The following CNNM2 variants were observed in gnomAD, a reference collection of about 807,000 sequenced individuals.
The protein encoded by CNNM2 is cyclin and CBS domain divalent metal cation transport mediator 2.
CNNM2 carries 12 observed loss-of-function variants against 66.9 expected under a neutral mutation model. The observed-to-expected ratio is 0.18, with a 90% CI of 0.11 to 0.29. The LOEUF is 0.29. CNNM2 is among the 10% of genes least tolerant of loss of function. The pLI, the probability that CNNM2 is intolerant of heterozygous loss-of-function variation, is 1.00. For synonymous variants in CNNM2, 557 were observed against 501.8 expected, an observed-to-expected ratio of 1.11 and a Z score of -1.47; for missense variants, 705 against 1,167.7, an observed-to-expected ratio of 0.60 and a Z score of 5.77.
intron 1 of CNNM2, among the ~76,000 whole-genome samples, chr10:103,012,404 G>T (rs1231517505): frequency 6.6e-6 from 1 of 152,190 alleles, no homozygotes; most frequent in Non-Finnish European, 1.5e-5. Flanking sequence ...CCAGCACTTT[G>T]GGAGGCCGAG....
intron 1 of CNNM2, among the ~76,000 whole-genome samples, chr10:102,970,340 T>G (rs1480629356): frequency 3.3e-5 from 5 of 152,204 alleles, no homozygotes; most frequent in African/African-American, 1.2e-4. Context: ...ATGTGAAAAT[T>G]ACATGAAATT....
Position 103,071,808 on chromosome 10 carries a change from C to T in CNNM2, c.2202C>T (p.Ser734=), listed in dbSNP as rs373752351. ...CCCTGTCTCGTACCTTTGTTGTCAGCAGAACAGAGTTGTTAGCAGCAGGTT... is the reference window on the plus strand; with the variant it reads ...CCCTGTCTCGTACCTTTGTTGTCAGTAGAACAGAGTTGTTAGCAGCAGGTT... ...PLSLSRTFVV[S]RTELLAAGSP... is the part of the protein sequence containing the mutation. Residue 734 remains serine, a synonymous_variant, in exon 6 of 8, where the codon AGC becomes AGT. Coordinates refer to ENST00000369878, the MANE Select transcript of CNNM2 (RefSeq NM_017649.5). 49 of 1,613,922 alleles carry T rather than the reference C, an allele frequency of 3.0e-5. No homozygotes were observed. The highest frequency in any genetic ancestry group is 4.2e-5 in the Non-Finnish European group (49 of 1,179,846).
At chr10:103,023,940 TAC>T (rs2064645737) in intron 1 of CNNM2, among the ~76,000 whole-genome samples, 2 of 152,196 alleles carry the variant, frequency 1.3e-5, no homozygotes, top group African/African-American at 4.8e-5. Context: ...CAAAGAAAGT[TAC>T]AGATATCATA....
At chr10:102,938,868 C>T (rs927545042) in intron 1 of CNNM2, among the ~76,000 whole-genome samples, 1 of 152,038 alleles carries the variant, frequency 6.6e-6, no homozygotes, top group Non-Finnish European at 1.5e-5. Context: ...GAACTTCCAG[C>T]CAGCATTTTA....
chr10:102,947,462 A>G (rs1590291712), intron 1 of CNNM2, among the ~76,000 whole-genome samples: 1 of 150,798 alleles, frequency 6.6e-6, no homozygotes, highest in African/African-American at 2.4e-5. Context: ...AAGAAAAAAA[A>G]CCACTGACTG....
chr10:103,061,336 TG>T (rs1285812557), intron 4 of CNNM2, among the ~76,000 whole-genome samples: 1 of 152,150 alleles, frequency 6.6e-6, no homozygotes, highest in East Asian at 1.9e-4. Context: ...GAGGTTGCAG[TG>T]AGCTGAGATC....
rs10218853 is a variant in CNNM2, at chr10:103,037,030, A to C, written c.1622-12677A>C. Among the ~76,000 whole-genome samples the C allele has an allele frequency of 0.31, 46,817 of 151,894 alleles. 7,346 individuals carry two copies. Among genetic ancestry groups the C allele is most frequent in the Middle Eastern group, 0.36 (107 of 294 alleles). On this transcript the variant is annotated intron_variant, in intron 1 of 7. Transcript: ENST00000369878. Reference sequence around the variant, plus strand: ...CATTGGGGGAAACTGGGGAAAAGTAAATGGGATCTTGAGCAAAATCCACAG... The same window carrying C: ...CATTGGGGGAAACTGGGGAAAAGTACATGGGATCTTGAGCAAAATCCACAG...
At chr10:103,031,276 C>T (rs1798645561) in intron 1 of CNNM2, among the ~76,000 whole-genome samples, 1 of 152,140 alleles carries the variant, frequency 6.6e-6, no homozygotes, top group South Asian at 2.1e-4. Flanking sequence ...CATTGAGTTA[C>T]CCTCTCTTAC....
chr10:102,928,420 A>G (rs1343208955), intron 1 of CNNM2, among the ~76,000 whole-genome samples: 1 of 151,976 alleles, frequency 6.6e-6, no homozygotes, highest in African/African-American at 2.4e-5. Flanking sequence ...GTCTCTACTA[A>G]AAACACAAAA....
intron 1 of CNNM2, among the ~76,000 whole-genome samples, chr10:103,021,757 C>A (rs1454395434): frequency 7.3e-6 from 1 of 136,068 alleles, no homozygotes; most frequent in Non-Finnish European, 1.7e-5. Context: ...TGGACTCTTT[C>A]CCCCAGAATA....
At chr10:103,013,635 T>A (rs2134275252) in intron 1 of CNNM2, among the ~76,000 whole-genome samples, 1 of 152,300 alleles carries the variant, frequency 6.6e-6, no homozygotes, top group East Asian at 1.9e-4. Flanking sequence ...CAGTGCTTTC[T>A]AAATCGCTGT....
chr10:103,020,193 C>A (rs2134284336), intron 1 of CNNM2, among the ~76,000 whole-genome samples: 1 of 151,294 alleles, frequency 6.6e-6, no homozygotes, highest in African/African-American at 2.4e-5. Flanking sequence ...CTTGCTCTGT[C>A]ACCCAGACTA....
Position 103,014,196 on chromosome 10 carries a change from A to G in CNNM2, c.1622-35511A>G, listed in dbSNP as rs375101419. ...TTCAGGCAATATTAATTGCATGCCT[A>G]TTGGGTACCAGGCAGCATGCTAAAT... is the stretch of plus-strand genomic sequence containing the variant. On this transcript the variant is annotated intron_variant, in intron 1 of 7. Coordinates refer to ENST00000369878, the MANE Select transcript of CNNM2 (RefSeq NM_017649.5). Among the ~76,000 whole-genome samples the G allele has an allele frequency of 1.4e-3, 214 of 152,308 alleles. 1 individual carries two copies. Among genetic ancestry groups the G allele is most frequent in the African/African-American group, 4.6e-3 (191 of 41,562 alleles).
chr10:103,053,912 G>A (rs2065255515), intron 2 of CNNM2, among the ~76,000 whole-genome samples: 2 of 152,332 alleles, frequency 1.3e-5, no homozygotes, highest in South Asian at 4.1e-4. Context: ...CTCCTCCCTT[G>A]TGTGTACACA....
chr10:103,008,778 CA>C lies in CNNM2; in HGVS notation c.1622-40909del, dbSNP rs35992147. Among the ~76,000 whole-genome samples the C allele has an allele frequency of 2.6e-4, 28 of 105,740 alleles. No individual in the cohort carries two copies. Among genetic ancestry groups the C allele is most frequent in the South Asian group, 6.6e-4 (2 of 3,022 alleles). 69.4% of individuals were successfully genotyped at this position (105,740 alleles called of 152,430 possible). On this transcript the variant is annotated intron_variant, in intron 1 of 7. Transcript: ENST00000369878. ...TGGGTGACAGAGCGAGACCCTGTCT[CA>C]AAAAAAAAAAAAAAAAAAACCCAAA...
At chr10:103,028,933 A>G (rs1327886413) in intron 1 of CNNM2, among the ~76,000 whole-genome samples, 3 of 142,228 alleles carry the variant, frequency 2.1e-5, no homozygotes, top group Non-Finnish European at 3.0e-5. Flanking sequence ...ATCGATTGTC[A>G]TGTCTCAGTC....
At chr10:103,005,393 A>T (rs1039791951) in intron 1 of CNNM2, among the ~76,000 whole-genome samples, 5 of 152,114 alleles carry the variant, frequency 3.3e-5, no homozygotes, top group Non-Finnish European at 7.4e-5. Flanking sequence ...TCACACCTGT[A>T]ATCCCAGCAC....
At chr10:103,033,523 G>A (rs577048667) in intron 1 of CNNM2, among the ~76,000 whole-genome samples, 4 of 151,810 alleles carry the variant, frequency 2.6e-5, no homozygotes, top group African/African-American at 9.7e-5. Context: ...AAAGCTTCTG[G>A]TGAAGAAAAA....
In CNNM2 at chr10:103,024,405, C is replaced by CT. The variant is rs548024473; in HGVS notation, c.1622-25301dup. Among the ~76,000 whole-genome samples, 747 of 152,216 alleles carry CT rather than the reference C, an allele frequency of 4.9e-3. 7 individuals are homozygous for CT. The highest frequency in any genetic ancestry group is 0.01 in the Middle Eastern group (3 of 292). The stretch of plus-strand genomic sequence containing the variant: ...ACATACCATTTCATGCCTCATAAGT[C>CT]TAAGCAATAAAGTCATTTTGTGATG... On this transcript the variant is annotated intron_variant, in intron 1 of 7. Transcript: ENST00000369878.
Sources: allele counts gnomAD v4.1 joint callset (sites outside exome capture counted in the v4.1 genomes callset), GRCh38; gene constraint gnomAD v4.1.1; transcripts MANE v1.5; gene names NCBI Gene and HGNC (gene_info 2026-07-23, HGNC 2026-07-21).